The following MYH11 variants were observed in gnomAD, a reference collection of about 807,000 sequenced individuals.
The protein encoded by MYH11 is myosin heavy chain 11, also known as myosin-11.
In MYH11, 80 loss-of-function variants were observed where a neutral mutation model predicts 246.6. That is an observed-to-expected ratio of 0.32 (90% CI 0.27 to 0.39). The LOEUF (loss-of-function observed/expected upper bound fraction) is 0.39, where lower values mean the gene tolerates loss of function less well. Among genes scored for constraint, MYH11 ranks in the 10% least tolerant of loss-of-function variants. The pLI, the probability that MYH11 is intolerant of heterozygous loss-of-function variation, is 1.00. For synonymous variants in MYH11, 1,071 were observed against 1,015.5 expected (o/e 1.05, Z -1.04); for missense variants, 2,158 against 2,546.8 (o/e 0.85, Z 3.29).
intron 22 of MYH11, among the ~76,000 whole-genome samples, chr16:15,740,394 G>A (rs2041239829): frequency 6.6e-6 from 1 of 151,954 alleles, no homozygotes; most frequent in Admixed American, 6.6e-5. Flanking sequence ...GATCACTTGA[G>A]GTCAGGAATT....
rs750897025 is a variant in MYH11 at position 15,740,164 on chromosome 16, C to T, written c.2884G>A (p.Glu962Lys). 6.2e-7 allele frequency: 1 copy of T among 1,614,228 alleles called. No individual in the cohort carries two copies. The highest frequency in any genetic ancestry group is 8.5e-7 in the Non-Finnish European group (1 of 1,180,038). ...TGCAGCTTCTGCCTGGCAGCTTCCT[C>T]CTCCTCCAGCTGTTCTTCAAGGTCC... Reference protein sequence around the residue: ...MLDLEEQLEEEEAARQKLQLE... With the variant: ...MLDLEEQLEEKEAARQKLQLE... Residue 962 changes from glutamate (E) to lysine (K), a missense_variant, in exon 23 of 41, where the codon GAG (glutamate) becomes AAG (lysine). Transcript: ENST00000300036.
Position 15,750,891 on chromosome 16 carries a change from A to G in MYH11, c.1865-560T>C, listed in dbSNP as rs1211555277. On this transcript the variant is annotated intron_variant, in intron 15 of 40. Transcript: ENST00000300036. This position sits in a 1 kb window ranked among gnomAD's most constrained non-coding sequence, Gnocchi z 4.3. ...TAAGTATGGAATATCTTGAGTAGTG[A>G]GGTGTGCGTAGAAAAATAAAAATAG... Among the ~76,000 whole-genome samples the G allele has an allele frequency of 6.6e-6, 1 of 152,102 alleles. No homozygotes were observed. Among genetic ancestry groups the G allele is most frequent in the Admixed American group, 6.6e-5 (1 of 15,262 alleles).
At chr16:15,774,174 C>T (rs1206433483) in intron 8 of MYH11, among the ~76,000 whole-genome samples, 1 of 152,200 alleles carries the variant, frequency 6.6e-6, no homozygotes, top group African/African-American at 2.4e-5. Context: ...CTTGAAATGC[C>T]TGATTCAAGT....
At chr16:15,705,874 G>A (rs1009483284) in intron 40 of MYH11, among the ~76,000 whole-genome samples, 2 of 151,218 alleles carry the variant, frequency 1.3e-5, no homozygotes, top group Admixed American at 6.6e-5. Context: ...CCAGCTACTC[G>A]GGAGGGAGGC....
Position 15,756,394 on chromosome 16 carries a change from G to T in MYH11, c.1696C>A (p.Pro566Thr). The T allele has an allele frequency of 1.9e-6, 3 of 1,614,148 alleles. No individual in the cohort carries two copies. The highest frequency in any genetic ancestry group is 2.5e-6 in the Non-Finnish European group (3 of 1,180,040). ...EQGSHPKFQKPKQLKDKTEFS... is the reference protein window; with the variant it reads ...EQGSHPKFQKTKQLKDKTEFS... ...TCAGTCTTGTCCTTGAGCTGCTTGG[G>T]CTTCTGGAACTTGGGGTGGCTGCCC... The change falls in exon 14 of 41, where the codon CCC (proline) becomes ACC (threonine). Residue 566 changes from proline to threonine, a missense_variant. Physicochemically the swap from Pro to Thr is conservative, Grantham distance 38. Transcript: ENST00000300036.
chr16:15,764,191 A>G (rs963326433), intron 9 of MYH11, among the ~76,000 whole-genome samples: 6 of 152,176 alleles, frequency 3.9e-5, no homozygotes, highest in African/African-American at 1.2e-4. Flanking sequence ...GTCTGTAACT[A>G]TTTGCATGCT....
rs538145374 is a variant in MYH11 at position 15,719,302 on chromosome 16, C to T, written c.5089G>A (p.Ala1697Thr). Residue 1697 changes from alanine to threonine, a missense_variant, in exon 36 of 41, where the codon GCC becomes ACC. Physicochemically the swap from Ala to Thr is moderately conservative, Grantham distance 58 (BLOSUM62 0). This residue lies in a region of MYH11 where 1,013 missense variants were observed against 993.5 expected (regional missense o/e 1.02). Transcript: ENST00000300036. ...TGTTTGCGAGCCCTCTCAGCGGCGG[C>T]GAGGTCCTAGGTGGGAGGGAGGAAG... Reference protein sequence around the residue: ...ADLMQLQEDLAAAERARKQAD... With the variant: ...ADLMQLQEDLTAAERARKQAD... 47 of 1,611,110 alleles carry T rather than the reference C, an allele frequency of 2.9e-5. No individual in the cohort carries two copies. The highest frequency in any genetic ancestry group is 6.7e-5 in the East Asian group (3 of 44,876).
chr16:15,748,775 C>T (rs574483333), intron 16 of MYH11, among the ~76,000 whole-genome samples: 3 of 152,156 alleles, frequency 2.0e-5, no homozygotes, highest in Non-Finnish European at 4.4e-5. Context: ...GCTACCATGC[C>T]TGGAAAATTT....
At chr16:15,759,474 A>G in intron 12 of MYH11, 102 bp downstream of exon 12, 1 of 1,460,134 alleles carries the variant, frequency 6.8e-7, no homozygotes. Flanking sequence ...CCTACCCTAC[A>G]GTAGCCATCT....
chr16:15,735,461 A>G lies in MYH11; in HGVS notation c.3411T>C (p.Ala1137=). 6.2e-7 allele frequency: 1 copy of G among 1,613,976 alleles called. No individual in the cohort carries two copies. Among genetic ancestry groups the G allele is most frequent in the South Asian group, 1.1e-5 (1 of 91,080 alleles). ...LDSERAARNK[A]EKQKRDLGEE... is the part of the protein sequence containing the mutation. The stretch of plus-strand genomic sequence containing the variant: ...CGCCGAGGTCTCGCTTCTGCTTTTC[A>G]GCCTTGTTCCTGGCGGCCCGCTCTG... The change falls in exon 26 of 41, where the codon GCT becomes GCC. Residue 1137 remains alanine (A), a synonymous_variant. Coordinates refer to ENST00000300036, the MANE Select transcript of MYH11 (RefSeq NM_002474.3).
chr16:15,809,825 G>A (rs1370165254), intron 3 of MYH11, among the ~76,000 whole-genome samples: 1 of 151,426 alleles, frequency 6.6e-6, no homozygotes, highest in Non-Finnish European at 1.5e-5. Flanking sequence ...GGAGGCTGAG[G>A]TGGGAGGATC....
In MYH11 at chr16:15,724,587, G is replaced by GA. The variant is rs1463878364; in HGVS notation, c.4116+59dup. ...ACTCCACCGCGATCTGCCTGCGGGG[G>GA]ATCTCAGCGCAGAGAAGTTGAGAGG... On this transcript the variant is annotated intron_variant, in intron 30 of 40. Coordinates refer to ENST00000300036, the MANE Select transcript of MYH11 (RefSeq NM_002474.3). 3.1e-6 allele frequency: 5 copies of GA among 1,610,890 alleles called. No homozygotes were observed. In the East Asian group the frequency reaches 1.1e-4, roughly 36 times the overall value.
At chr16:15,800,036 G>A (rs11862348) in intron 3 of MYH11, among the ~76,000 whole-genome samples, 4,872 of 151,142 alleles carry the variant, frequency 0.032, 262 homozygotes, top group African/African-American at 0.11. Flanking sequence ...GGGTGGGTGG[G>A]TGGATGAATA....
At chr16:15,806,361 G>A (rs2043015187) in intron 3 of MYH11, among the ~76,000 whole-genome samples, 2 of 139,500 alleles carry the variant, frequency 1.4e-5, no homozygotes, top group Non-Finnish European at 3.1e-5. Flanking sequence ...TATATGAAAT[G>A]TCCAGAATAG....
chr16:15,765,704 AG>A (rs769246093), intron 9 of MYH11, among the ~76,000 whole-genome samples: 2 of 152,158 alleles, frequency 1.3e-5, no homozygotes, highest in Non-Finnish European at 2.9e-5. Flanking sequence ...GCTCAGCAAA[AG>A]GACCCAGCTG....
intron 7 of MYH11, among the ~76,000 whole-genome samples, chr16:15,777,097 G>GCAGACATA (rs750248562): frequency 0.071 from 10,339 of 145,332 alleles, 434 homozygotes; most frequent in African/African-American, 0.12. Context: ...GTATACACAC[G>GCAGACATA]CACACATACA....
chr16:15,826,594 G>GAAAAAGAAAGA (rs112065168), intron 2 of MYH11, among the ~76,000 whole-genome samples: 14 of 148,096 alleles, frequency 9.5e-5, no homozygotes, highest in Admixed American at 6.7e-5. Context: ...TCTCAAAAAA[G>GAAAAAGAAAGA]AAAAAGAAAG....
chr16:15,833,409 A>AAGGG (rs796568888), intron 2 of MYH11, among the ~76,000 whole-genome samples: 1 of 148,620 alleles, frequency 6.7e-6, no homozygotes, highest in South Asian at 2.1e-4. Flanking sequence ...GGAAGGAAGG[A>AAGGG]AGGGAGGAAC....
At chr16:15,828,648 C>T (rs1410431305) in intron 2 of MYH11, among the ~76,000 whole-genome samples, 2 of 151,148 alleles carry the variant, frequency 1.3e-5, no homozygotes, top group Non-Finnish European at 2.9e-5. Context: ...CAAAAATTAG[C>T]CAGGCATGAT....
Sources: gnomAD v4.1 joint callset for allele counts (sites outside exome capture counted in the v4.1 genomes callset) on GRCh38, gnomAD v4.1.1 for gene constraint, gnomAD v4.1.1 regional missense constraint, Gnocchi (gnomAD v3.1) non-coding constraint, MANE v1.5 for transcripts, NCBI Gene and HGNC (gene_info 2026-07-23, HGNC 2026-07-21) for gene names.